Variants in HES6 observed in about 807,000 individuals in gnomAD.
HES6 encodes the protein hes family bHLH transcription factor 6.
HES6 carries 24 observed loss-of-function variants against 16.4 expected under a neutral mutation model. The observed-to-expected ratio is 1.46, with a 90% confidence interval of 1.06 to 2.06. The LOEUF (loss-of-function observed/expected upper bound fraction) is 2.06. Ranked by LOEUF, HES6 falls within the 30% of genes most tolerant of loss-of-function variation. The pLI is 0.00. For synonymous variants in HES6, 159 were observed against 144.3 expected (o/e 1.10, Z -0.73); for missense variants, 355 against 317.6 (o/e 1.12, Z -0.90).
In HES6 at chr2:238,239,987, C is replaced by T; in HGVS notation, c.-82G>A. The T allele has an allele frequency of 1.1e-6, 1 of 898,490 alleles. No individual in the cohort carries two copies. The highest frequency in any genetic ancestry group is 1.4e-6 in the Non-Finnish European group (1 of 704,240). 55.7% of individuals were successfully genotyped at this position (898,490 alleles called of 1,614,324 possible). On this transcript the variant is annotated 5_prime_UTR_variant, in exon 1 of 4. Coordinates refer to ENST00000272937, the MANE Select transcript of HES6 (RefSeq NM_018645.6). Reference sequence around the variant, plus strand: ...GGGACCGGAGTGCCGGCGCCCTCCGCTGCCCCGCGGCCGCCCAGCAGCAGC... The same window carrying T: ...GGGACCGGAGTGCCGGCGCCCTCCGTTGCCCCGCGGCCGCCCAGCAGCAGC...
rs1374738928 is a variant in HES6, at chr2:238,239,953, G to T, written c.-48C>A. The T allele has an allele frequency of 4.2e-5, 48 of 1,139,740 alleles. No individual in the cohort carries two copies. Among genetic ancestry groups the T allele is most frequent in the Non-Finnish European group, 5.1e-5 (47 of 917,466 alleles). The allele number at this position is 1,139,740 out of a possible 1,614,324, so 70.6% of individuals were successfully genotyped here. On this transcript the variant is annotated 5_prime_UTR_variant, in exon 1 of 4. Coordinates refer to ENST00000272937, the MANE Select transcript of HES6 (RefSeq NM_018645.6). ...CAGGGGCTAGGAGCAGCGGGGACGG[G>T]GAGCGGCGGGGACCGGAGTGCCGGC...
Position 238,239,048 on chromosome 2 carries a change from G to A in HES6, c.454C>T (p.Pro152Ser). The change falls in exon 4 of 4, where the codon CCA (proline) becomes TCA (serine). Residue 152 changes from proline to serine, a missense_variant. Coordinates refer to ENST00000272937, the MANE Select transcript of HES6 (RefSeq NM_018645.6). ...CCACTCCGTCCAGGGGCTCTAGGTG[G>A]CCCCGCCAGGGCGTCCCCCAGCAGA... Reference protein sequence around the residue: ...QDLLGDALAGPPRAPGRSGWP... With the variant: ...QDLLGDALAGSPRAPGRSGWP... 6.2e-6 allele frequency: 10 copies of A among 1,611,826 alleles called. No individual in the cohort carries two copies. The highest frequency in any genetic ancestry group is 8.5e-6 in the Non-Finnish European group (10 of 1,179,758).
In HES6 at chr2:238,239,919, G is replaced by C. The variant is rs929273571; in HGVS notation, c.-14C>G. 31 of 1,202,808 alleles carry C rather than the reference G, an allele frequency of 2.6e-5. No individual in the cohort carries two copies. The Admixed American group carries it at 1.3e-3, about 50-fold the overall frequency. 74.5% of individuals were successfully genotyped at this position (1,202,808 alleles called of 1,614,324 possible). A position where few individuals can be genotyped will look rare whatever the true frequency, so the allele number is the denominator to read the frequency against. On this transcript the variant is annotated 5_prime_UTR_variant, in exon 1 of 4. Coordinates refer to ENST00000272937, the MANE Select transcript of HES6 (RefSeq NM_018645.6). The stretch of plus-strand genomic sequence containing the variant: ...GGGTGGCGCCATGCCCGCTCCGCCG[G>C]GGACGCGGCAGGGGCTAGGAGCAGC...
chr2:238,239,734 A>G lies in HES6; in HGVS notation c.95T>C (p.Leu32Pro). 1 of 1,366,948 alleles carries G rather than the reference A, an allele frequency of 7.3e-7. No individual in the cohort carries two copies. The highest frequency in any genetic ancestry group is 9.5e-7 in the Non-Finnish European group (1 of 1,052,514). The allele number at this position is 1,366,948 out of a possible 1,614,324, so 84.7% of individuals were successfully genotyped here. Residue 32 changes from leucine (L) to proline (P), a missense_variant, in exon 2 of 4, where the codon CTG becomes CCG. Transcript: ENST00000272937. ...TRGDRKARKP[L>P]VEKKRRARIN... ...CCGCGCGCGCCGCTTCTTCTCCACC[A>G]GGGGCTTCCGGGCCTGCGGGGAGCG...
chr2:238,238,889 G>A lies in HES6; in HGVS notation c.613C>T (p.Pro205Ser), dbSNP rs773090059. The A allele has an allele frequency of 2.5e-6, 4 of 1,580,714 alleles. No homozygotes were observed. In the East Asian group the frequency reaches 6.9e-5, roughly 27 times the overall value. The stretch of plus-strand genomic sequence containing the variant: ...GTGGTCAGGCTGCCCAGGGCTGCGG[G>A]CACCAAGTCGGGCCCCTCAGCAGGA... ...QAPAEGPDLV[P>S]AALGSLTTAQ... The change falls in exon 4 of 4, where the codon CCC (proline) becomes TCC (serine). Residue 205 changes from proline to serine, a missense_variant. Physicochemically the swap from Pro to Ser is moderately conservative, Grantham distance 74. Transcript: ENST00000272937.
chr2:238,239,769 A>G, intron 1 of HES6, 22 bp from the exon 2 acceptor site: 1 of 1,396,354 alleles, frequency 7.2e-7, no homozygotes, highest in Non-Finnish European at 9.4e-7. Context: ...GGGGCACTGA[A>G]TCCCAGCCCC....
chr2:238,239,611 G>GGGCCCCCCCCCCCCCCCCCCCCCC, intron 2 of HES6, 43 bp from the exon 3 acceptor site: 1 of 1,135,680 alleles, frequency 8.8e-7, no homozygotes, highest in Non-Finnish European at 1.1e-6. Context: ...CGCGCTCCCG[G>GGGCCCCCCCCCCCCCCCCCCCCCC]ACCCGCCCGC....
chr2:238,238,274 GTAAC>G lies in HES6; in HGVS notation c.*549_*552del. The G allele has an allele frequency of 6.4e-6, 1 of 156,022 alleles. No homozygotes were observed. The highest frequency in any genetic ancestry group is 6.5e-5 in the Admixed American group (1 of 15,332). 9.7% of individuals were successfully genotyped at this position (156,022 alleles called of 1,614,324 possible). A position where few individuals can be genotyped will look rare whatever the true frequency, so the allele number is the denominator to read the frequency against. On this transcript the variant is annotated 3_prime_UTR_variant, in exon 4 of 4. Coordinates refer to ENST00000272937, the MANE Select transcript of HES6 (RefSeq NM_018645.6). Reference sequence around the variant, plus strand: ...CACATCACTCAACAATACTTCAAGGGTAACTAACTCCAAAATTCTTTATTTAGTA... The same window carrying G: ...CACATCACTCAACAATACTTCAAGGGTAACTCCAAAATTCTTTATTTAGTA...
In HES6 at chr2:238,238,798, C is replaced by A; in HGVS notation, c.*29G>T. 6.5e-7 allele frequency: 1 copy of A among 1,537,200 alleles called. No individual in the cohort carries two copies. The highest frequency in any genetic ancestry group is 1.2e-5 in the South Asian group (1 of 84,240). Reference sequence around the variant, plus strand: ...GAGGAGATCCAGGGAGGGCCGGGCCCACCCCCGCAGGACTCTGGCTGGCAT... The same window carrying A: ...GAGGAGATCCAGGGAGGGCCGGGCCAACCCCCGCAGGACTCTGGCTGGCAT... On this transcript the variant is annotated 3_prime_UTR_variant, in exon 4 of 4. Transcript: ENST00000272937.
intron 2 of HES6, 27 bp downstream of exon 2, chr2:238,239,634 C>T (rs1695258494): frequency 8.7e-7 from 1 of 1,145,536 alleles, no homozygotes; most frequent in Non-Finnish European, 1.1e-6. Context: ...GCCCCGCAGC[C>T]CCACGGCGCC....
chr2:238,239,579 G>C lies in HES6; in HGVS notation c.169-11C>G. On this transcript the variant is annotated splice_polypyrimidine_tract_variant and intron_variant, in intron 2 of 3. Transcript: ENST00000272937. ...CAGCTTGGCCTGCACCTGCGCGGGCGGGAAGGGCGGTGAGCCGGCAGCGCG... is the reference window on the plus strand; with the variant it reads ...CAGCTTGGCCTGCACCTGCGCGGGCCGGAAGGGCGGTGAGCCGGCAGCGCG... The C allele has an allele frequency of 8.2e-7, 1 of 1,214,956 alleles. No individual in the cohort carries two copies. The highest frequency in any genetic ancestry group is 3.8e-5 in the East Asian group (1 of 26,382). 75.3% of individuals were successfully genotyped at this position (1,214,956 alleles called of 1,614,324 possible).
chr2:238,239,472 C>T lies in HES6; in HGVS notation c.250+15G>A, dbSNP rs1425086025. 2 of 1,286,014 alleles carry T rather than the reference C, an allele frequency of 1.6e-6. No individual in the cohort carries two copies. Among genetic ancestry groups the T allele is most frequent in the African/African-American group, 1.6e-5 (1 of 63,924 alleles). The allele number at this position is 1,286,014 out of a possible 1,614,324, so 79.7% of individuals were successfully genotyped here. A position where few individuals can be genotyped will look rare whatever the true frequency, so the allele number is the denominator to read the frequency against. ...GCCCGCGGCCGGCGCCCCCGCCCGC[C>T]CCGCCGCCACTCACCGCGCGCCCGG... is the stretch of plus-strand genomic sequence containing the variant. On this transcript the variant is annotated intron_variant, in intron 3 of 3. Transcript: ENST00000272937.
chr2:238,239,611 G>GGGGGGGGGGGGGC, intron 2 of HES6, 43 bp from the exon 3 acceptor site: 1 of 1,135,692 alleles, frequency 8.8e-7, no homozygotes, highest in Non-Finnish European at 1.1e-6. Context: ...CGCGCTCCCG[G>GGGGGGGGGGGGGC]ACCCGCCCGC....
At chr2:238,239,417 G>T in intron 3 of HES6, 70 bp downstream of exon 3, 1 of 1,287,310 alleles carries the variant, frequency 7.8e-7, no homozygotes, top group Non-Finnish European at 1.0e-6. Flanking sequence ...CGCCGGGAGG[G>T]AAGTCCTCCG....
Position 238,238,568 on chromosome 2 carries a change from C to T in HES6, c.*259G>A, listed in dbSNP as rs930412664. The T allele has an allele frequency of 2.3e-5, 12 of 512,582 alleles. No individual in the cohort carries two copies. In the Admixed American group the frequency reaches 4.2e-4, roughly 18 times the overall value. The allele number at this position is 512,582 out of a possible 1,614,324, so 31.8% of individuals were successfully genotyped here. A position where few individuals can be genotyped will look rare whatever the true frequency, so the allele number is the denominator to read the frequency against. ...ACCTGGGAGAGCGCTGGCAGCTCTA[C>T]AAAATTCTTCCTCCTGCCCGTAGCT... On this transcript the variant is annotated 3_prime_UTR_variant, in exon 4 of 4. Transcript: ENST00000272937.
chr2:238,238,828 C>T lies in HES6; in HGVS notation c.674G>A (p.Ter225=). ...CCGCAGGACTCTGGCTGGCATTGGT[C>T]ACCAAGGCCTCCAGACACTCCGGGC... The part of the protein sequence containing the change: ...QIARSVWRPW[*] Residue 225 remains the stop codon, a stop_retained_variant, in exon 4 of 4, where the codon TGA becomes TAA. Transcript: ENST00000272937. The T allele has an allele frequency of 6.4e-7, 1 of 1,559,046 alleles. No individual in the cohort carries two copies. Among genetic ancestry groups the T allele is most frequent in the Non-Finnish European group, 8.6e-7 (1 of 1,158,772 alleles).
In HES6 at chr2:238,239,643, C is replaced by A; in HGVS notation, c.168+18G>T. 8.7e-7 allele frequency: 1 copy of A among 1,146,432 alleles called. No homozygotes were observed. 71.0% of individuals were successfully genotyped at this position (1,146,432 alleles called of 1,614,324 possible). ...CCGCCCGCCCCGCAGCCCCACGGCG[C>A]CTGCCCGGCCGCCGCACCTCGGCGC... is the stretch of plus-strand genomic sequence containing the variant. On this transcript the variant is annotated intron_variant, in intron 2 of 3. Transcript: ENST00000272937.
chr2:238,239,780 G>T, intron 1 of HES6, 33 bp from the exon 2 acceptor site: 1 of 1,397,730 alleles, frequency 7.2e-7, no homozygotes, highest in South Asian at 1.5e-5. Context: ...TCCCAGCCCC[G>T]CACGGCCTCC....
At chr2:238,239,611 G>GGGGGCGCCCCC in intron 2 of HES6, 43 bp from the exon 3 acceptor site, 1 of 1,135,694 alleles carries the variant, frequency 8.8e-7, no homozygotes, top group Non-Finnish European at 1.1e-6. Context: ...CGCGCTCCCG[G>GGGGGCGCCCCC]ACCCGCCCGC....
Sources: gnomAD v4.1 joint callset for allele counts on GRCh38, gnomAD v4.1.1 for gene constraint, MANE v1.5 for transcripts, NCBI Gene and HGNC (gene_info 2026-07-23, HGNC 2026-07-21) for gene names.